Variants in DNAH11 observed in about 807,000 individuals in gnomAD.
DNAH11 encodes the protein axonemal beta dynein heavy chain 11.
DNAH11 carries 442 observed loss-of-function variants against 526.0 expected under a neutral mutation model. The observed-to-expected ratio is 0.84, with a 90% CI of 0.78 to 0.91. DNAH11 has a LOEUF of 0.91. Among genes scored for constraint, DNAH11 ranks in the 40% least tolerant of loss-of-function variants. DNAH11 has a pLI of 0.00. For synonymous variants in DNAH11, 2,461 were observed against 1,935.9 expected, an observed-to-expected ratio of 1.27 and a Z score of -7.12; for missense variants, 6,989 against 5,448.7, an observed-to-expected ratio of 1.28 and a Z score of -8.90.
At chr7:21,857,353 T>C (rs1259671776) in intron 68 of DNAH11, among the ~76,000 whole-genome samples, 3 of 152,148 alleles carry the variant, frequency 2.0e-5, no homozygotes, top group Admixed American at 1.3e-4. Flanking sequence ...TGTTCATCAG[T>C]TGGAATGCTC....
intron 66 of DNAH11, among the ~76,000 whole-genome samples, chr7:21,852,053 G>A (rs906496005): frequency 2.6e-5 from 4 of 151,996 alleles, no homozygotes; most frequent in Non-Finnish European, 5.9e-5. Flanking sequence ...TTAATGTTAA[G>A]GGTGTTTTAT....
At chr7:21,544,530 A>C (rs1782734783) in intron 1 of DNAH11, among the ~76,000 whole-genome samples, 1 of 152,148 alleles carries the variant, frequency 6.6e-6, no homozygotes, top group South Asian at 2.1e-4. Flanking sequence ...CAATGGAATG[A>C]CTCAGTAGTT....
intron 9 of DNAH11, among the ~76,000 whole-genome samples, chr7:21,584,481 G>A (rs896222961): frequency 1.3e-5 from 2 of 152,136 alleles, no homozygotes; most frequent in African/African-American, 4.8e-5. Context: ...CAATGTAGAT[G>A]ATGGGTTGAT....
chr7:21,664,356 G>T, intron 30 of DNAH11, among the ~76,000 whole-genome samples: 1 of 151,372 alleles, frequency 6.6e-6, no homozygotes. Context: ...TTTTTCTGTA[G>T]GAATTGTCTT....
At chr7:21,634,908 G>A (rs1786784206) in intron 25 of DNAH11, among the ~76,000 whole-genome samples, 1 of 152,158 alleles carries the variant, frequency 6.6e-6, no homozygotes, top group Non-Finnish European at 1.5e-5. Flanking sequence ...AAGCGTTTCA[G>A]ACATACTAAC....
intron 30 of DNAH11, among the ~76,000 whole-genome samples, chr7:21,670,190 T>G (rs1477662409): frequency 1.3e-5 from 2 of 152,024 alleles, no homozygotes; most frequent in Non-Finnish European, 2.9e-5. Flanking sequence ...TTTATATGGG[T>G]TTTCTCTAAT....
Position 21,866,494 on chromosome 7 carries a change from C to G in DNAH11, c.11521C>G (p.Arg3841Gly), listed in dbSNP as rs988794959. 3 of 1,611,178 alleles carry G rather than the reference C, an allele frequency of 1.9e-6. No individual in the cohort carries two copies. The African/African-American group carries it at 4.0e-5, about 22-fold the overall frequency. ...GGCAATTGCCGTCATGGAAGAATTTCGAGGCATAGACCGAGATGTGGAAGG... is the reference window on the plus strand; with the variant it reads ...GGCAATTGCCGTCATGGAAGAATTTGGAGGCATAGACCGAGATGTGGAAGG... Reference protein sequence around the residue: ...IKAIAVMEEFRGIDRDVEGSA... With the variant: ...IKAIAVMEEFGGIDRDVEGSA... The change falls in exon 71 of 82, where the codon CGA becomes GGA. Residue 3841 changes from arginine to glycine, a missense_variant. Physicochemically the swap from Arg to Gly is moderately radical, Grantham distance 125 (BLOSUM62 -2). Coordinates refer to ENST00000409508, the MANE Select transcript of DNAH11 (RefSeq NM_001277115.2).
chr7:21,647,013 A>G (rs1455016974), intron 28 of DNAH11, among the ~76,000 whole-genome samples: 1 of 152,224 alleles, frequency 6.6e-6, no homozygotes, highest in Non-Finnish European at 1.5e-5. Context: ...ACTGACACAG[A>G]TGATAGACTT....
chr7:21,574,785 C>G (rs1377543065), intron 8 of DNAH11, among the ~76,000 whole-genome samples: 2 of 148,168 alleles, frequency 1.3e-5, no homozygotes, highest in Non-Finnish European at 3.0e-5. Flanking sequence ...GGGTTGGTCT[C>G]AAACTCCCGA....
intron 54 of DNAH11, among the ~76,000 whole-genome samples, chr7:21,762,294 T>C (rs1786956516): frequency 6.6e-6 from 1 of 152,216 alleles, no homozygotes; most frequent in Admixed American, 6.5e-5. Flanking sequence ...ATGGTTCAGA[T>C]ACAGTATTTT....
intron 28 of DNAH11, among the ~76,000 whole-genome samples, chr7:21,640,796 A>G (rs1264568530): frequency 1.3e-5 from 2 of 152,196 alleles, no homozygotes; most frequent in African/African-American, 4.8e-5. Context: ...CTCCATGTCA[A>G]GGCCAAGCTT....
intron 2 of DNAH11, among the ~76,000 whole-genome samples, chr7:21,552,225 T>G (rs1783050416): frequency 6.6e-6 from 1 of 152,210 alleles, no homozygotes; most frequent in Non-Finnish European, 1.5e-5. Flanking sequence ...AAGGCCTGCT[T>G]TAGCTGTTTT....
chr7:21,693,014 C>T (rs1448719541), intron 35 of DNAH11, among the ~76,000 whole-genome samples: 1 of 152,154 alleles, frequency 6.6e-6, no homozygotes, highest in Admixed American at 6.5e-5. Context: ...TTGTTAGATA[C>T]ATACATTGCA....
In DNAH11 at chr7:21,739,688, A is replaced by G. The variant is rs375999899; in HGVS notation, c.7914+15A>G. On this transcript the variant is annotated intron_variant, in intron 48 of 81. Transcript: ENST00000409508. ...CCAGGCTACAGGTAGGGTGTTGAAT[A>G]CTGCTCTCAAAAACTGTAGGTCTGT... is the stretch of plus-strand genomic sequence containing the variant. 2.5e-6 allele frequency: 4 copies of G among 1,589,178 alleles called. No homozygotes were observed. The highest frequency in any genetic ancestry group is 3.4e-6 in the Non-Finnish European group (4 of 1,160,046).
intron 28 of DNAH11, among the ~76,000 whole-genome samples, chr7:21,642,138 T>C (rs1311156622): frequency 7.9e-5 from 12 of 152,202 alleles, no homozygotes; most frequent in Admixed American, 7.9e-4. Flanking sequence ...TTGGGAAAAT[T>C]TGTATTCCAA....
At chr7:21,821,410 G>A (rs2390592) in intron 65 of DNAH11, among the ~76,000 whole-genome samples, 135,984 of 152,134 alleles carry the variant, frequency 0.89, 60,909 homozygotes, top group Non-Finnish European at 0.92. Context: ...GGGAGACTCT[G>A]TACAGCCAGA....
At chr7:21,551,542 G>A (rs960075271) in intron 2 of DNAH11, among the ~76,000 whole-genome samples, 2 of 152,188 alleles carry the variant, frequency 1.3e-5, no homozygotes, top group Non-Finnish European at 2.9e-5. Flanking sequence ...TGGGCTTTAA[G>A]GAGCTTTAGG....
At chr7:21,801,972 T>G (rs1789014637) in intron 62 of DNAH11, among the ~76,000 whole-genome samples, 1 of 152,214 alleles carries the variant, frequency 6.6e-6, no homozygotes, top group Admixed American at 6.5e-5. Flanking sequence ...ATTCACAGAT[T>G]TTATTTGCTC....
intron 76 of DNAH11, among the ~76,000 whole-genome samples, chr7:21,885,388 C>G (rs571355292): frequency 1.3e-5 from 2 of 151,278 alleles, no homozygotes; most frequent in South Asian, 4.2e-4. Context: ...TGTTCTCACA[C>G]ACATAAAGAC....
Sources: gnomAD v4.1 joint callset for allele counts (sites outside exome capture counted in the v4.1 genomes callset) on GRCh38, gnomAD v4.1.1 for gene constraint, MANE v1.5 for transcripts, NCBI Gene and HGNC (gene_info 2026-07-23, HGNC 2026-07-21) for gene names.